Variants in RELN observed in about 807,000 individuals in gnomAD.
RELN encodes the protein reelin.
Under a neutral mutation model 427.6 loss-of-function variants are expected in RELN, and 108 were observed. That is an observed-to-expected ratio of 0.25 (90% confidence interval 0.22 to 0.30). RELN has a LOEUF of 0.30. Ranked by LOEUF, RELN falls within the 10% of genes least tolerant of loss-of-function variation. RELN has a pLI of 1.00. For synonymous variants in RELN, 1,524 were observed against 1,513.4 expected (o/e 1.01, Z -0.16); for missense variants, 3,715 against 4,302.8 (o/e 0.86, Z 3.82).
rs1269187834 is a variant in RELN, at chr7:103,573,276, C to A, written c.4511+816G>T. Among the ~76,000 whole-genome samples the A allele has an allele frequency of 6.6e-6, 1 of 152,190 alleles. No individual in the cohort carries two copies. The highest frequency in any genetic ancestry group is 2.4e-5 in the African/African-American group (1 of 41,446). ...AAAATCTAACTTAAGAAGCTGAATA[C>A]CATATTTGTTTAGAGTCAGATAATT... On this transcript the variant is annotated intron_variant, in intron 30 of 64. Coordinates refer to ENST00000428762, the MANE Select transcript of RELN (RefSeq NM_005045.4). This position sits in a 1 kb window ranked among gnomAD's most constrained non-coding sequence, Gnocchi z 4.4.
chr7:103,855,259 C>T (rs74528032), intron 2 of RELN, among the ~76,000 whole-genome samples: 9 of 152,188 alleles, frequency 5.9e-5, no homozygotes, highest in African/African-American at 1.2e-4. Context: ...GTGATGTGGC[C>T]GAAATACAGT....
At chr7:103,947,267 CAGGTTGAATCATGGTTCCCTTCAA>C (rs1796239959) in intron 1 of RELN, among the ~76,000 whole-genome samples, 1 of 152,154 alleles carries the variant, frequency 6.6e-6, no homozygotes, top group Non-Finnish European at 1.5e-5. Context: ...GTGACTGTAA[CAGGTTGAATCATGGTTCCCTTCAA>C]AGTAATCATT....
chr7:103,498,358 G>A (rs185855161), intron 53 of RELN, 106 bp from the exon 54 acceptor site: 1 of 982,808 alleles, frequency 1.0e-6, no homozygotes, highest in African/African-American at 1.6e-5. Context: ...AAATAGAGCT[G>A]ATTTCAAATG....
intron 2 of RELN, among the ~76,000 whole-genome samples, chr7:103,838,577 C>T (rs1793472035): frequency 6.6e-6 from 1 of 152,144 alleles, no homozygotes; most frequent in South Asian, 2.1e-4. Flanking sequence ...AATAGCGTGA[C>T]TCAGGAGCTG....
chr7:103,826,994 T>C (rs1279447434), intron 3 of RELN, among the ~76,000 whole-genome samples: 2 of 148,462 alleles, frequency 1.3e-5, no homozygotes, highest in East Asian at 1.9e-4. Flanking sequence ...TGTTTTGCTA[T>C]AGCTTTTTTT....
chr7:103,930,088 A>C (rs1393492800), intron 1 of RELN, among the ~76,000 whole-genome samples: 1 of 152,182 alleles, frequency 6.6e-6, no homozygotes, highest in Non-Finnish European at 1.5e-5. Flanking sequence ...AGTACCACAG[A>C]TGGGGTGGTA....
chr7:103,970,554 G>T (rs772046928), intron 1 of RELN, among the ~76,000 whole-genome samples: 6 of 152,070 alleles, frequency 3.9e-5, no homozygotes, highest in Admixed American at 2.0e-4. Flanking sequence ...AGTGCTGAAA[G>T]GTTGTCTAGT....
intron 38 of RELN, among the ~76,000 whole-genome samples, chr7:103,554,162 G>C (rs1202448259): frequency 6.6e-6 from 1 of 151,716 alleles, no homozygotes; most frequent in Admixed American, 6.6e-5. Flanking sequence ...ACTCCAGCCT[G>C]GGCAACAGAG....
rs747527621 is a variant in RELN, at chr7:103,561,819, C to T, written c.5345G>A (p.Arg1782His). ...CSGRGICDAG[R>H]CVCDRGFGGP... The stretch of plus-strand genomic sequence containing the variant: ...GTCAGTTTTATTAACTTACACACAG[C>T]GTCCAGCATCACAAATCCCTCGTCC... Residue 1782 changes from arginine (R) to histidine (H), a missense_variant, in exon 35 of 65, where the codon CGC becomes CAC. Physicochemically the swap from Arg to His is conservative, Grantham distance 29. Around this residue, in one of 4 missense-constraint regions of RELN, gnomAD observed 2,208 missense variants for 2,361.7 expected, o/e 0.93. Transcript: ENST00000428762. 2.7e-5 allele frequency: 43 copies of T among 1,613,854 alleles called. No homozygotes were observed. In the Middle Eastern group the frequency reaches 4.9e-4, roughly 19 times the overall value.
At chr7:103,780,874 A>T (rs1433288766) in intron 3 of RELN, among the ~76,000 whole-genome samples, 2 of 152,156 alleles carry the variant, frequency 1.3e-5, no homozygotes, top group Non-Finnish European at 1.5e-5. Flanking sequence ...TCTTCCAATG[A>T]AGACCCCTTG....
At chr7:103,969,383 T>C (rs1429084970) in intron 1 of RELN, among the ~76,000 whole-genome samples, 1 of 152,214 alleles carries the variant, frequency 6.6e-6, no homozygotes, top group Non-Finnish European at 1.5e-5. Flanking sequence ...ACCCCAATCA[T>C]TGTTTTTAAA....
intron 22 of RELN, among the ~76,000 whole-genome samples, chr7:103,607,238 G>A (rs909898784): frequency 2.0e-5 from 3 of 151,956 alleles, no homozygotes; most frequent in Non-Finnish European, 4.4e-5. Flanking sequence ...AAAACTTAAA[G>A]TATAATAATA....
At chr7:103,892,523 A>C (rs1584339611) in intron 2 of RELN, among the ~76,000 whole-genome samples, 1 of 152,102 alleles carries the variant, frequency 6.6e-6, no homozygotes, top group African/African-American at 2.4e-5. Flanking sequence ...AAATATATCC[A>C]CTTTCCAGAT....
intron 2 of RELN, among the ~76,000 whole-genome samples, chr7:103,840,423 CCT>C (rs1311886014): frequency 3.3e-5 from 5 of 152,218 alleles, no homozygotes; most frequent in African/African-American, 9.6e-5. Flanking sequence ...TACTGTATGA[CCT>C]CTGTCAGGAC....
At chr7:103,625,934 G>T (rs529380002) in intron 20 of RELN, among the ~76,000 whole-genome samples, 10 of 152,184 alleles carry the variant, frequency 6.6e-5, no homozygotes, top group African/African-American at 2.4e-4. Context: ...ATTATTAGGG[G>T]CTGGCAATGG....
At chr7:103,498,876 A>G (rs1387264353) in intron 53 of RELN, among the ~76,000 whole-genome samples, 1 of 152,228 alleles carries the variant, frequency 6.6e-6, no homozygotes, top group Non-Finnish European at 1.5e-5. Context: ...TTTATATAGT[A>G]TATAAAAGTA....
At chr7:103,636,199 T>C (rs767535173) in intron 18 of RELN, 36 bp downstream of exon 18, 6 of 1,338,396 alleles carry the variant, frequency 4.5e-6, no homozygotes, top group Non-Finnish European at 1.1e-6. Context: ...CATTAGTATC[T>C]GGTTTTTGTA....
At chr7:103,487,457 G>GT (rs1554361587) in intron 60 of RELN, among the ~76,000 whole-genome samples, 1 of 89,276 alleles carries the variant, frequency 1.1e-5, no homozygotes, top group Non-Finnish European at 2.0e-5. Flanking sequence ...TGTTGTTACA[G>GT]TAAAAAAAAA....
At chr7:103,851,041 T>C (rs1034289797) in intron 2 of RELN, among the ~76,000 whole-genome samples, 4 of 152,348 alleles carry the variant, frequency 2.6e-5, no homozygotes, top group Non-Finnish European at 4.4e-5. Context: ...GGCGTATTTA[T>C]TGCAGAACAA....
Sources: allele counts gnomAD v4.1 joint callset (sites outside exome capture counted in the v4.1 genomes callset), GRCh38; gene constraint gnomAD v4.1.1; regional missense constraint gnomAD v4.1.1; non-coding constraint Gnocchi (gnomAD v3.1); transcripts MANE v1.5; gene names NCBI Gene and HGNC (gene_info 2026-07-23, HGNC 2026-07-21).